The following FOCAD variants were observed in gnomAD, a reference collection of about 807,000 sequenced individuals.
The protein encoded by FOCAD is focadhesin.
A neutral mutation model predicts 225.6 loss-of-function variants in FOCAD; 198 were observed. That is an observed-to-expected ratio of 0.88 (90% confidence interval 0.78 to 0.99). The LOEUF is 0.99. Ranked by LOEUF, FOCAD falls within the 50% of genes least tolerant of loss-of-function variation. The probability of loss-of-function intolerance (pLI) is 0.00; values close to 1 mark genes in which losing one functional copy is unlikely to be tolerated. For synonymous variants in FOCAD, 897 were observed against 755.0 expected (o/e 1.19, Z -3.08); for missense variants, 2,713 against 2,123.6 (o/e 1.28, Z -5.46).
chr9:20,688,429 C>A (rs1024586087), intron 1 of FOCAD, among the ~76,000 whole-genome samples: 7 of 152,104 alleles, frequency 4.6e-5, no homozygotes, highest in African/African-American at 1.7e-4. Flanking sequence ...TGAGCAATAT[C>A]AGATGTATGG....
chr9:20,706,321 T>C (rs1485407267), intron 1 of FOCAD, among the ~76,000 whole-genome samples: 1 of 152,150 alleles, frequency 6.6e-6, no homozygotes, highest in East Asian at 1.9e-4. Context: ...TTTGATCTTA[T>C]TTTAGGCTCC....
intron 15 of FOCAD, among the ~76,000 whole-genome samples, chr9:20,842,127 A>ATT (rs60066147): frequency 1.9e-4 from 29 of 149,816 alleles, no homozygotes; most frequent in East Asian, 3.9e-4. Context: ...ACTTTACATG[A>ATT]TTTTTTTTTT....
chr9:20,672,696 C>T (rs959896595), intron 2 of FOCAD, among the ~76,000 whole-genome samples: 1 of 152,178 alleles, frequency 6.6e-6, no homozygotes, highest in African/African-American at 2.4e-5. Flanking sequence ...GGTGATCCAC[C>T]CACCTTGGCC....
chr9:20,739,921 G>A (rs895118569), intron 4 of FOCAD, among the ~76,000 whole-genome samples: 12 of 151,952 alleles, frequency 7.9e-5, no homozygotes, highest in African/African-American at 2.7e-4. Context: ...TTGGTCATTC[G>A]GTGTGGGCAA....
chr9:20,929,243 G>T, intron 26 of FOCAD, 115 bp from the exon 27 acceptor site: 1 of 710,794 alleles, frequency 1.4e-6, no homozygotes, highest in Non-Finnish European at 2.4e-6. Flanking sequence ...ATTATTTTGG[G>T]TGTCGGCCGG....
At chr9:20,820,228 T>G in intron 12 of FOCAD, 96 bp from the exon 13 acceptor site, 1 of 839,584 alleles carries the variant, frequency 1.2e-6, no homozygotes. Flanking sequence ...CTTCTCAGTC[T>G]TCATTTTATA....
chr9:20,948,157 G>A (rs2132350132), intron 30 of FOCAD, 114 bp from the exon 31 acceptor site: 1 of 999,382 alleles, frequency 1.0e-6, no homozygotes, highest in Non-Finnish European at 1.4e-6. Flanking sequence ...GACAAATACA[G>A]CTTGTCATTA....
At chr9:20,736,038 C>G (rs1438344884) in intron 4 of FOCAD, among the ~76,000 whole-genome samples, 1 of 152,026 alleles carries the variant, frequency 6.6e-6, no homozygotes, top group Non-Finnish European at 1.5e-5. Context: ...ATTTTACTCA[C>G]TTTTTTGGGG....
intron 11 of FOCAD, among the ~76,000 whole-genome samples, chr9:20,817,216 C>T (rs1435436081): frequency 6.6e-5 from 10 of 152,134 alleles, no homozygotes; most frequent in East Asian, 1.9e-4. Context: ...ATATAATTTA[C>T]ATCTCATGTA....
intron 2 of FOCAD, among the ~76,000 whole-genome samples, chr9:20,669,733 C>T (rs1450354265): frequency 1.3e-5 from 2 of 152,080 alleles, no homozygotes; most frequent in Non-Finnish European, 2.9e-5. Flanking sequence ...CAAGATTGTG[C>T]CACTGCACTC....
At chr9:20,840,252 T>C (rs1826384528) in intron 15 of FOCAD, among the ~76,000 whole-genome samples, 1 of 152,070 alleles carries the variant, frequency 6.6e-6, no homozygotes, top group Admixed American at 6.6e-5. Context: ...CTTTAAATAA[T>C]GTGGACATTT....
chr9:20,815,488 A>T (rs746530667), intron 11 of FOCAD, among the ~76,000 whole-genome samples: 1 of 151,840 alleles, frequency 6.6e-6, no homozygotes, highest in Non-Finnish European at 1.5e-5. Flanking sequence ...TATAGTATCC[A>T]GTATCTTGGT....
chr9:20,673,486 G>A (rs1822137528), intron 2 of FOCAD, among the ~76,000 whole-genome samples: 1 of 152,002 alleles, frequency 6.6e-6, no homozygotes, highest in Non-Finnish European at 1.5e-5. Flanking sequence ...GCTTTGATTT[G>A]CATTCTCCTG....
At chr9:20,677,821 C>A (rs938340493) in intron 2 of FOCAD, among the ~76,000 whole-genome samples, 2 of 152,164 alleles carry the variant, frequency 1.3e-5, no homozygotes, top group Non-Finnish European at 1.5e-5. Context: ...ATACTGCAAT[C>A]CCACTTTTGA....
At chr9:20,832,968 C>T (rs1002184769) in intron 15 of FOCAD, among the ~76,000 whole-genome samples, 9 of 151,994 alleles carry the variant, frequency 5.9e-5, no homozygotes, top group African/African-American at 1.2e-4. Flanking sequence ...GACTAATAAA[C>T]GTGGGAATGC....
At chr9:20,798,423 T>C (rs962359397) in intron 11 of FOCAD, among the ~76,000 whole-genome samples, 1 of 152,176 alleles carries the variant, frequency 6.6e-6, no homozygotes, top group African/African-American at 2.4e-5. Context: ...GAAGGAATGG[T>C]ACTAGCTCCT....
intron 1 of FOCAD, among the ~76,000 whole-genome samples, chr9:20,706,905 G>A (rs1479244221): frequency 1.3e-5 from 2 of 152,164 alleles, no homozygotes; most frequent in Non-Finnish European, 2.9e-5. Context: ...TTGTCTTCAT[G>A]TGCGTGGTTG....
intron 15 of FOCAD, among the ~76,000 whole-genome samples, chr9:20,859,518 A>G (rs1407461465): frequency 6.6e-6 from 1 of 151,060 alleles, no homozygotes; most frequent in Admixed American, 6.6e-5. Context: ...GTATTTAGAT[A>G]TAAGCTTATT....
intron 10 of FOCAD, chr9:20,787,151 A>G (rs1435899811): frequency 1.2e-5 from 2 of 166,644 alleles, no homozygotes; most frequent in South Asian, 1.4e-4. Context: ...CAAGTAACCT[A>G]GGATTGCTTT....
Sources: gnomAD v4.1 joint callset for allele counts (sites outside exome capture counted in the v4.1 genomes callset) on GRCh38, gnomAD v4.1.1 for gene constraint, MANE v1.5 for transcripts, NCBI Gene and HGNC (gene_info 2026-07-23, HGNC 2026-07-21) for gene names.